The following BTF3L4 variants were observed in gnomAD, a reference collection of about 807,000 sequenced individuals.
The protein encoded by BTF3L4 is transcription factor BTF3 homolog 4.
In BTF3L4, 6 loss-of-function variants were observed where a neutral mutation model predicts 16.8. The ratio of observed to expected loss-of-function variants is 0.36; its 90% CI spans 0.20 to 0.71. The LOEUF is 0.71. Among genes scored for constraint, BTF3L4 ranks in the 30% least tolerant of loss-of-function variants. The pLI is 0.58. For synonymous variants in BTF3L4, 39 were observed against 59.8 expected (o/e 0.65, Z 1.60); for missense variants, 92 against 186.9 (o/e 0.49, Z 2.96).
chr1:52,061,334 C>T (rs1472499360), intron 2 of BTF3L4, among the ~76,000 whole-genome samples: 1 of 151,728 alleles, frequency 6.6e-6, no homozygotes, highest in Non-Finnish European at 1.5e-5. Context: ...ACTAAAAGTA[C>T]AAAAATAGCC....
At position 52,081,414 on chromosome 1, in the gene BTF3L4, G is replaced by A. The variant is rs571421418; in HGVS notation, c.169-1926G>A. Among the ~76,000 whole-genome samples the A allele has an allele frequency of 2.0e-5, 3 of 152,192 alleles. No individual in the cohort carries two copies. The South Asian group carries it at 6.2e-4, about 32-fold the overall frequency. On this transcript the variant is annotated intron_variant, in intron 3 of 5. Coordinates refer to ENST00000313334, the MANE Select transcript of BTF3L4 (RefSeq NM_152265.5). Reference sequence around the variant, plus strand: ...GCTAGGATTACAAGTGTGAGCCACCGCACCTGGCCTGAAATCCTCTTTTAA... The same window carrying A: ...GCTAGGATTACAAGTGTGAGCCACCACACCTGGCCTGAAATCCTCTTTTAA...
intron 3 of BTF3L4, among the ~76,000 whole-genome samples, chr1:52,073,871 G>A (rs1213893729): frequency 2.6e-5 from 4 of 151,872 alleles, no homozygotes; most frequent in Non-Finnish European, 2.9e-5. Flanking sequence ...GGTGGTGGGC[G>A]TCTGTAATCC....
chr1:52,081,155 G>C (rs1643916910), intron 3 of BTF3L4, among the ~76,000 whole-genome samples: 1 of 150,468 alleles, frequency 6.6e-6, no homozygotes, highest in Admixed American at 6.6e-5. Flanking sequence ...TTATTTTTTT[G>C]AGAAAGAGCT....
intron 1 of BTF3L4, among the ~76,000 whole-genome samples, chr1:52,056,685 A>T (rs928195821): frequency 2.6e-5 from 4 of 152,268 alleles, no homozygotes; most frequent in African/African-American, 9.6e-5. Context: ...CTCCTTGCTC[A>T]CAACAGCAGT....
intron 5 of BTF3L4, chr1:52,086,433 A>G (rs183481591): frequency 4.1e-6 from 2 of 488,338 alleles, no homozygotes; most frequent in African/African-American, 2.0e-5. Flanking sequence ...CTATTGTTAT[A>G]ACATTTCTGT....
chr1:52,073,978 CA>C (rs1686864976), intron 3 of BTF3L4, among the ~76,000 whole-genome samples: 2 of 151,812 alleles, frequency 1.3e-5, no homozygotes, highest in South Asian at 4.2e-4. Context: ...GCCTGGGCAA[CA>C]AAGCAAGACT....
chr1:52,090,709 T>C lies in BTF3L4; in HGVS notation c.*3951T>C, dbSNP rs1331894391. The stretch of plus-strand genomic sequence containing the variant: ...ACTTACTGTTGAATACAAAGTTATC[T>C]CATTTAATTCTCAGTCTGATGCGGC... On this transcript the variant is annotated 3_prime_UTR_variant, in exon 6 of 6. Coordinates refer to ENST00000313334, the MANE Select transcript of BTF3L4 (RefSeq NM_152265.5). 6.6e-6 allele frequency: 1 copy of C among 152,054 alleles called. No homozygotes were observed. The highest frequency in any genetic ancestry group is 1.5e-5 in the Non-Finnish European group (1 of 67,996). The allele number at this position is 152,054 out of a possible 1,614,324, so 9.4% of individuals were successfully genotyped here.
rs1370671585 is a variant in BTF3L4 at position 52,088,195 on chromosome 1, G to C, written c.*1437G>C. ...TAACCTTGCAGCTACCAACTTTTGT[G>C]TCAAGCTAGATATCTTTATTTGATA... is the stretch of plus-strand genomic sequence containing the variant. On this transcript the variant is annotated 3_prime_UTR_variant, in exon 6 of 6. Transcript: ENST00000313334. The C allele has an allele frequency of 6.6e-6, 1 of 152,592 alleles. No individual in the cohort carries two copies. The highest frequency in any genetic ancestry group is 1.9e-4 in the East Asian group (1 of 5,176). 9.5% of individuals were successfully genotyped at this position (152,592 alleles called of 1,614,324 possible).
intron 3 of BTF3L4, among the ~76,000 whole-genome samples, chr1:52,066,400 C>G (rs1686648757): frequency 6.7e-6 from 1 of 150,224 alleles, no homozygotes; most frequent in Admixed American, 6.6e-5. Flanking sequence ...CAGTGTTTTG[C>G]TGTGTTGGCC....
In BTF3L4 at chr1:52,073,491, C is replaced by T. The variant is rs1337477712; in HGVS notation, c.168+8553C>T. The stretch of plus-strand genomic sequence containing the variant: ...ATATATATGCACTATATATATGCTA[C>T]ATACACACACACACACACACACACA... On this transcript the variant is annotated intron_variant, in intron 3 of 5. Transcript: ENST00000313334. Among the ~76,000 whole-genome samples, 195 of 76,706 alleles carry T rather than the reference C, an allele frequency of 2.5e-3. 5 individuals are homozygous for T. In the East Asian group the frequency reaches 0.078, roughly 31 times the overall value. 50.3% of individuals were successfully genotyped at this position (76,706 alleles called of 152,430 possible).
intron 3 of BTF3L4, among the ~76,000 whole-genome samples, chr1:52,082,166 C>G (rs1643929457): frequency 6.6e-6 from 1 of 152,070 alleles, no homozygotes; most frequent in African/African-American, 2.4e-5. Context: ...ACAAATTCAA[C>G]TCTACTGAAA....
At chr1:52,084,158 G>T (rs1025938894) in intron 4 of BTF3L4, among the ~76,000 whole-genome samples, 2 of 151,962 alleles carry the variant, frequency 1.3e-5, no homozygotes, top group African/African-American at 4.8e-5. Context: ...TTATTTTTGA[G>T]ACATAAAGTC....
intron 2 of BTF3L4, chr1:52,060,370 T>A: frequency 1.2e-6 from 1 of 867,482 alleles, no homozygotes; most frequent in South Asian, 1.6e-5. Flanking sequence ...TGTTACCTAC[T>A]TGTACAGAGG....
intron 3 of BTF3L4, among the ~76,000 whole-genome samples, chr1:52,071,931 C>CTGTGGGTGTGTGTG (rs1553239613): frequency 7.8e-6 from 1 of 127,898 alleles, no homozygotes; most frequent in Non-Finnish European, 1.6e-5. Flanking sequence ...GTTTTTTACT[C>CTGTGGGTGTGTGTG]TGTGTGTGTG....
At chr1:52,065,267 C>CTT (rs1040675648) in intron 3 of BTF3L4, 15 of 141,342 alleles carry the variant, frequency 1.1e-4, no homozygotes, top group Admixed American at 2.2e-4. Flanking sequence ...TGAGATAGAC[C>CTT]TTTTTTTTTT....
intron 3 of BTF3L4, among the ~76,000 whole-genome samples, chr1:52,080,519 G>GTTTTT (rs753783341): frequency 2.8e-5 from 2 of 70,244 alleles, no homozygotes; most frequent in African/African-American, 1.3e-4. Context: ...GGTTTTTTGG[G>GTTTTT]TTTTTTTTTT....
chr1:52,085,015 T>C (rs796764030), intron 4 of BTF3L4, among the ~76,000 whole-genome samples: 3 of 14,614 alleles, frequency 2.1e-4, no homozygotes, highest in African/African-American at 3.4e-4. Context: ...AAAAAAATCT[T>C]TTTTTTTTTT....
intron 3 of BTF3L4, among the ~76,000 whole-genome samples, chr1:52,075,542 T>G (rs899338831): frequency 6.9e-6 from 1 of 145,896 alleles, no homozygotes; most frequent in Non-Finnish European, 1.5e-5. Flanking sequence ...AAAAAAACCA[T>G]ATATATAAAA....
intron 3 of BTF3L4, among the ~76,000 whole-genome samples, chr1:52,082,965 C>T (rs537813074): frequency 2.6e-5 from 4 of 152,220 alleles, no homozygotes; most frequent in African/African-American, 9.6e-5. Context: ...GTGGAAATTG[C>T]ACTGATTTTG....
Sources: allele counts gnomAD v4.1 joint callset (sites outside exome capture counted in the v4.1 genomes callset), GRCh38; gene constraint gnomAD v4.1.1; transcripts MANE v1.5; gene names NCBI Gene and HGNC (gene_info 2026-07-23, HGNC 2026-07-21).